Variants in CPNE4 observed in about 807,000 individuals in gnomAD.
The protein encoded by CPNE4 is copine 4.
Under a neutral mutation model 67.9 loss-of-function variants are expected in CPNE4, and 25 were observed. The ratio of observed to expected loss-of-function variants is 0.37; its 90% confidence interval spans 0.27 to 0.51. The LOEUF (loss-of-function observed/expected upper bound fraction) is 0.51, where lower values mean the gene tolerates loss of function less well. Ranked by LOEUF, CPNE4 falls within the 20% of genes least tolerant of loss-of-function variation. The probability of loss-of-function intolerance (pLI) is 0.93; values close to 1 mark genes in which losing one functional copy is unlikely to be tolerated. For missense variants in CPNE4, 464 were observed against 690.8 expected (o/e 0.67, Z 3.68); for synonymous variants, 242 against 244.9 (o/e 0.99, Z 0.11).
intron 7 of CPNE4, among the ~76,000 whole-genome samples, chr3:131,618,775 G>A (rs1486763793): frequency 6.6e-6 from 1 of 152,100 alleles, no homozygotes; most frequent in East Asian, 1.9e-4. Flanking sequence ...GTTGAGGTGG[G>A]AGAAGCAGAG....
At chr3:131,731,589 G>A (rs76931120) in intron 2 of CPNE4, among the ~76,000 whole-genome samples, 5,783 of 152,172 alleles carry the variant, frequency 0.038, 389 homozygotes, top group African/African-American at 0.13. Flanking sequence ...TGATTTCTCG[G>A]TTTGTATGCC....
At position 131,739,051 on chromosome 3, in the gene CPNE4, C is replaced by T. The variant is rs539782015; in HGVS notation, c.181-15426G>A. Among the ~76,000 whole-genome samples, 13 of 152,094 alleles carry T rather than the reference C, an allele frequency of 8.5e-5. No individual in the cohort carries two copies. In the East Asian group the frequency reaches 1.2e-3, roughly 14 times the overall value. On this transcript the variant is annotated intron_variant, in intron 2 of 15. Coordinates refer to ENST00000429747, the MANE Select transcript of CPNE4 (RefSeq NM_130808.3). ...TGTATTTTTAGTAGAGACAGGGTTT[C>T]GCCATGTTGGCCAGGCTGCTTTTTA...
intron 7 of CPNE4, among the ~76,000 whole-genome samples, chr3:131,655,887 A>G (rs1364537365): frequency 6.6e-6 from 1 of 152,204 alleles, no homozygotes; most frequent in Non-Finnish European, 1.5e-5. Context: ...GGAACTGTTC[A>G]AAGAAGCAAA....
At chr3:131,540,751 G>A (rs1224720975) in intron 15 of CPNE4, among the ~76,000 whole-genome samples, 1 of 152,216 alleles carries the variant, frequency 6.6e-6, no homozygotes, top group Non-Finnish European at 1.5e-5. Flanking sequence ...TAAGGTTGAA[G>A]TGGAGGGGAT....
chr3:131,948,165 C>T (rs2107877525), intron 1 of CPNE4, among the ~76,000 whole-genome samples: 1 of 152,120 alleles, frequency 6.6e-6, no homozygotes, highest in South Asian at 2.1e-4. Context: ...GGCTCTGTGT[C>T]CCCACCCAGA....
At chr3:131,906,397 TC>T (rs1053092820) in intron 1 of CPNE4, among the ~76,000 whole-genome samples, 69 of 78,152 alleles carry the variant, frequency 8.8e-4, no homozygotes, top group Middle Eastern at 6.8e-3. Context: ...ATGCTATCCC[TC>T]CCCCCCTCCC....
At chr3:131,542,514 T>G (rs927572587) in intron 15 of CPNE4, 43 bp downstream of exon 15, 1 of 1,361,082 alleles carries the variant, frequency 7.3e-7, no homozygotes, top group Non-Finnish European at 1.1e-6. Flanking sequence ...CATGCTTTGG[T>G]TCTGCTCTTC....
chr3:131,756,722 C>T (rs368786893), intron 2 of CPNE4, among the ~76,000 whole-genome samples: 1 of 152,122 alleles, frequency 6.6e-6, no homozygotes, highest in African/African-American at 2.4e-5. Flanking sequence ...GTTGGAGGCC[C>T]GGGGTTGGTA....
intron 2 of CPNE4, among the ~76,000 whole-genome samples, chr3:131,869,166 T>C (rs2087089017): frequency 2.6e-5 from 4 of 152,130 alleles, no homozygotes. Context: ...TTTTGGTTTT[T>C]GTCTGTTTTC....
chr3:131,677,561 T>C (rs921630726), intron 6 of CPNE4, among the ~76,000 whole-genome samples: 1 of 152,182 alleles, frequency 6.6e-6, no homozygotes, highest in Non-Finnish European at 1.5e-5. Context: ...TTTTATAGTT[T>C]TGGGTTTTAC....
At chr3:131,737,788 T>C (rs1294158059) in intron 2 of CPNE4, among the ~76,000 whole-genome samples, 1 of 152,174 alleles carries the variant, frequency 6.6e-6, no homozygotes, top group Non-Finnish European at 1.5e-5. Flanking sequence ...ATTGTTTTCT[T>C]GTGACAACAT....
chr3:131,758,158 G>T (rs2082799124), intron 2 of CPNE4, among the ~76,000 whole-genome samples: 1 of 152,242 alleles, frequency 6.6e-6, no homozygotes, highest in East Asian at 1.9e-4. Context: ...CCCCAGAATG[G>T]TAGATCTACC....
chr3:131,948,576 T>C (rs1487306492), intron 1 of CPNE4, among the ~76,000 whole-genome samples: 1 of 152,218 alleles, frequency 6.6e-6, no homozygotes, highest in African/African-American at 2.4e-5. Flanking sequence ...TCATTGTTAA[T>C]GTAAGAAACA....
At chr3:131,669,170 C>T (rs1205576406) in intron 7 of CPNE4, among the ~76,000 whole-genome samples, 1 of 152,120 alleles carries the variant, frequency 6.6e-6, no homozygotes, top group Non-Finnish European at 1.5e-5. Flanking sequence ...GCCAGCCAAC[C>T]TCCAGAAGCA....
intron 1 of CPNE4, among the ~76,000 whole-genome samples, chr3:132,016,481 C>A (rs1163513527): frequency 2.0e-5 from 3 of 152,184 alleles, no homozygotes; most frequent in Non-Finnish European, 4.4e-5. Context: ...CTGAGCCCAT[C>A]ACCAGCTGAA....
intron 7 of CPNE4, among the ~76,000 whole-genome samples, chr3:131,650,012 T>C (rs1218298644): frequency 6.6e-6 from 1 of 152,142 alleles, no homozygotes; most frequent in African/African-American, 2.4e-5. Flanking sequence ...TTGGCAGAAT[T>C]TGTGGCTGTA....
intron 2 of CPNE4, among the ~76,000 whole-genome samples, chr3:131,881,942 G>T (rs964105846): frequency 6.6e-5 from 10 of 152,136 alleles, no homozygotes; most frequent in Non-Finnish European, 1.2e-4. Flanking sequence ...CCATGGAGCT[G>T]TCACAATATT....
At chr3:131,641,944 G>A (rs1013368895) in intron 7 of CPNE4, among the ~76,000 whole-genome samples, 2 of 152,162 alleles carry the variant, frequency 1.3e-5, no homozygotes, top group South Asian at 2.1e-4. Flanking sequence ...TTCATATGTG[G>A]GAGCTAAACT....
intron 1 of CPNE4, among the ~76,000 whole-genome samples, chr3:131,919,477 A>ACTG (rs1276491822): frequency 6.6e-6 from 1 of 152,216 alleles, no homozygotes; most frequent in African/African-American, 2.4e-5. Flanking sequence ...TATGATCCCA[A>ACTG]TTTTGTGAAG....
Sources: gnomAD v4.1 joint callset for allele counts (sites outside exome capture counted in the v4.1 genomes callset) on GRCh38, gnomAD v4.1.1 for gene constraint, MANE v1.5 for transcripts, NCBI Gene and HGNC (gene_info 2026-07-23, HGNC 2026-07-21) for gene names.